DPY19L1: variants seen among roughly 807,000 people sequenced by gnomAD.
DPY19L1 encodes the protein protein C-mannosyl-transferase DPY19L1.
A neutral mutation model predicts 96.9 loss-of-function variants in DPY19L1; 35 were observed. The ratio of observed to expected loss-of-function variants is 0.36; its 90% CI spans 0.28 to 0.48. The LOEUF (loss-of-function observed/expected upper bound fraction) is 0.48, where lower values mean the gene tolerates loss of function less well. Ranked by LOEUF, DPY19L1 falls within the 20% of genes least tolerant of loss-of-function variation. The pLI is 0.99. For missense variants in DPY19L1, 521 were observed against 777.9 expected (o/e 0.67, Z 3.93); for synonymous variants, 205 against 252.6 (o/e 0.81, Z 1.79).
intron 6 of DPY19L1, among the ~76,000 whole-genome samples, chr7:35,000,210 T>C (rs1298318938): frequency 6.6e-6 from 1 of 152,188 alleles, no homozygotes; most frequent in Non-Finnish European, 1.5e-5. Flanking sequence ...CATAAAAATG[T>C]TCCAGATAAC....
chr7:35,025,846 C>T (rs1176753737), intron 1 of DPY19L1, among the ~76,000 whole-genome samples: 2 of 152,108 alleles, frequency 1.3e-5, no homozygotes, highest in Admixed American at 6.5e-5. Context: ...ATCTATTTAC[C>T]CCACTGTGCC....
intron 6 of DPY19L1, among the ~76,000 whole-genome samples, chr7:34,992,951 A>C (rs1785205348): frequency 6.6e-6 from 1 of 152,164 alleles, no homozygotes; most frequent in Non-Finnish European, 1.5e-5. Context: ...AATGAAACCT[A>C]AACTTCCTTA....
intron 3 of DPY19L1, among the ~76,000 whole-genome samples, chr7:35,016,867 CAACA>C (rs1233337996): frequency 6.6e-6 from 1 of 152,084 alleles, no homozygotes; most frequent in East Asian, 1.9e-4. Context: ...CTGGATTTCT[CAACA>C]AACAAATAGC....
chr7:34,953,297 T>C lies in DPY19L1; in HGVS notation c.1320+1401A>G, dbSNP rs529562375. Among the ~76,000 whole-genome samples, 6 of 152,350 alleles carry C rather than the reference T, an allele frequency of 3.9e-5. No homozygotes were observed. In the South Asian group the frequency reaches 1.0e-3, roughly 26 times the overall value. On this transcript the variant is annotated intron_variant, in intron 13 of 21. Coordinates refer to ENST00000638088, the MANE Select transcript of DPY19L1 (RefSeq NM_001366673.1). The stretch of plus-strand genomic sequence containing the variant: ...TTTCTAATTTGCAAATAACATAGTT[T>C]ATAGCATCTTTTTTGGCCCTGCATA...
chr7:34,982,246 T>C (rs747253092), intron 7 of DPY19L1, among the ~76,000 whole-genome samples: 2 of 152,196 alleles, frequency 1.3e-5, no homozygotes, highest in South Asian at 4.1e-4. Flanking sequence ...ACTGTGTAAT[T>C]ATTAGTGTTA....
chr7:34,937,862 A>C, intron 21 of DPY19L1, 132 bp downstream of exon 21: 1 of 969,590 alleles, frequency 1.0e-6, no homozygotes. Flanking sequence ...CTGTTTAAAA[A>C]AAAAAGAAGA....
At chr7:35,000,426 A>G (rs328929) in intron 6 of DPY19L1, 41,598 of 152,148 alleles carry the variant, frequency 0.27, 5,806 homozygotes, top group Non-Finnish European at 0.31. Context: ...ATGTGTAATC[A>G]CAAAAGCAGA....
At chr7:35,005,559 G>A (rs1785532214) in intron 6 of DPY19L1, among the ~76,000 whole-genome samples, 1 of 150,658 alleles carries the variant, frequency 6.6e-6, no homozygotes, top group Non-Finnish European at 1.5e-5. Flanking sequence ...AGCATTTTGG[G>A]AGGCCGGGGT....
At chr7:35,012,350 G>A (rs1785733008) in intron 4 of DPY19L1, among the ~76,000 whole-genome samples, 1 of 152,088 alleles carries the variant, frequency 6.6e-6, no homozygotes, top group Non-Finnish European at 1.5e-5. Context: ...TTCAGGTGTT[G>A]GCCCTAAGGA....
intron 14 of DPY19L1, 113 bp from the exon 15 acceptor site, chr7:34,947,814 A>C (rs1784183094): frequency 3.7e-6 from 3 of 800,400 alleles, no homozygotes; most frequent in East Asian, 5.5e-5. Flanking sequence ...AACATTCACC[A>C]ATCTACTCAC....
intron 21 of DPY19L1, among the ~76,000 whole-genome samples, chr7:34,932,781 T>C (rs1172962534): frequency 6.6e-6 from 1 of 152,202 alleles, no homozygotes; most frequent in Non-Finnish European, 1.5e-5. Context: ...ATCTACCTTT[T>C]GAGGAATTTT....
At chr7:34,948,726 T>C (rs1403226242) in intron 14 of DPY19L1, among the ~76,000 whole-genome samples, 1 of 152,244 alleles carries the variant, frequency 6.6e-6, no homozygotes, top group Non-Finnish European at 1.5e-5. Flanking sequence ...CCTATGAACA[T>C]GCATTTCAAT....
At chr7:34,969,061 A>G (rs1784671368) in intron 9 of DPY19L1, among the ~76,000 whole-genome samples, 1 of 152,102 alleles carries the variant, frequency 6.6e-6, no homozygotes, top group Non-Finnish European at 1.5e-5. Flanking sequence ...TAAAAGAAAC[A>G]TTTTAGGTAA....
intron 6 of DPY19L1, among the ~76,000 whole-genome samples, chr7:34,995,122 G>C (rs1409855257): frequency 1.3e-5 from 2 of 152,130 alleles, no homozygotes. Context: ...TTCTGAGTTA[G>C]AAACACTGTG....
chr7:34,934,086 C>T (rs1379058854), intron 21 of DPY19L1, among the ~76,000 whole-genome samples: 1 of 152,118 alleles, frequency 6.6e-6, no homozygotes. Flanking sequence ...GCCTCTGCCT[C>T]CTGAGTAGCT....
intron 6 of DPY19L1, among the ~76,000 whole-genome samples, chr7:34,993,279 A>G (rs1785212016): frequency 1.3e-5 from 2 of 152,168 alleles, no homozygotes; most frequent in Non-Finnish European, 2.9e-5. Context: ...TTTTCCACTT[A>G]GCTCTTTCTC....
chr7:34,950,717 A>G (rs1334125482), intron 13 of DPY19L1, among the ~76,000 whole-genome samples: 2 of 152,314 alleles, frequency 1.3e-5, no homozygotes, highest in South Asian at 2.1e-4. Flanking sequence ...TCTTGTTGGG[A>G]GAAGAAATGT....
At chr7:34,941,031 T>C (rs1649215) in intron 18 of DPY19L1, among the ~76,000 whole-genome samples, 40,978 of 151,844 alleles carry the variant, frequency 0.27, 5,773 homozygotes, top group Non-Finnish European at 0.32. Flanking sequence ...CAACACTTTG[T>C]TCTCTTGATC....
At chr7:35,027,430 C>G (rs1786150478) in intron 1 of DPY19L1, among the ~76,000 whole-genome samples, 1 of 151,948 alleles carries the variant, frequency 6.6e-6, no homozygotes, top group African/African-American at 2.4e-5. Context: ...AATTTGTTTT[C>G]TATTTTGAAT....
Sources: allele counts gnomAD v4.1 joint callset (sites outside exome capture counted in the v4.1 genomes callset), GRCh38; gene constraint gnomAD v4.1.1; transcripts MANE v1.5; gene names NCBI Gene and HGNC (gene_info 2026-07-23, HGNC 2026-07-21).